Variants in TMEM161B observed in about 807,000 individuals in gnomAD.
TMEM161B encodes the protein transmembrane protein 161B.
Under a neutral mutation model 61.8 loss-of-function variants are expected in TMEM161B, and 34 were observed. The ratio of observed to expected loss-of-function variants is 0.55; its 90% CI spans 0.42 to 0.73. The LOEUF (loss-of-function observed/expected upper bound fraction) is 0.73, where lower values mean the gene tolerates loss of function less well. Among genes scored for constraint, TMEM161B ranks in the 30% least tolerant of loss-of-function variants. TMEM161B has a pLI of 0.00. For synonymous variants in TMEM161B, 167 were observed against 192.8 expected, an observed-to-expected ratio of 0.87 and a Z score of 1.11; for missense variants, 456 against 558.5, an observed-to-expected ratio of 0.82 and a Z score of 1.85.
downstream of TMEM161B, among the ~76,000 whole-genome samples, chr5:88,186,845 G>A (rs1272976669): frequency 6.6e-6 from 1 of 152,068 alleles, no homozygotes; most frequent in Non-Finnish European, 1.5e-5. Flanking sequence ...AGAGGTTGCA[G>A]TGAGCTGAGA....
At chr5:88,210,661 TA>T (rs1398464404) in intron 5 of TMEM161B, among the ~76,000 whole-genome samples, 24 of 152,292 alleles carry the variant, frequency 1.6e-4, no homozygotes, top group African/African-American at 5.8e-4. Flanking sequence ...GAAACATGTG[TA>T]GCAGTTTTGT....
chr5:88,257,301 A>C (rs777851690), intron 1 of TMEM161B, among the ~76,000 whole-genome samples: 7 of 152,062 alleles, frequency 4.6e-5, no homozygotes, highest in Non-Finnish European at 8.8e-5. Flanking sequence ...CAAAACAAAA[A>C]CACCTTTCCT....
rs994269172 is a variant in TMEM161B, at chr5:88,195,062, A to G, written c.*1149T>C. 5.8e-5 allele frequency: 43 copies of G among 741,014 alleles called. No homozygotes were observed. Among genetic ancestry groups the G allele is most frequent in the Non-Finnish European group, 6.8e-5 (41 of 606,852 alleles). 45.9% of individuals were successfully genotyped at this position (741,014 alleles called of 1,614,324 possible). On this transcript the variant is annotated 3_prime_UTR_variant, in exon 12 of 12. Coordinates refer to ENST00000296595, the MANE Select transcript of TMEM161B (RefSeq NM_153354.5). ...CCTATTTAACAAAGGCATACATGATACCTGTAGACCTGATTTGAGAGGGAA... is the reference window on the plus strand; with the variant it reads ...CCTATTTAACAAAGGCATACATGATGCCTGTAGACCTGATTTGAGAGGGAA...
intron 10 of TMEM161B, 151 bp from the exon 11 acceptor site, chr5:88,197,916 G>C (rs1160470950): frequency 1.9e-6 from 1 of 530,354 alleles, no homozygotes; most frequent in African/African-American, 2.0e-5. Context: ...CATGATACAT[G>C]TCCCCAAAAT....
In TMEM161B at chr5:88,247,786, G is replaced by A. The variant is rs1172613500; in HGVS notation, c.4-6870C>T. ...ATCACTCAACTACCCGGTTACTGAT[G>A]TATCTGGCACCCAGACAATTTCCAA... On this transcript the variant is annotated intron_variant, in intron 1 of 11. Coordinates refer to ENST00000296595, the MANE Select transcript of TMEM161B (RefSeq NM_153354.5). Among the ~76,000 whole-genome samples, 5 of 152,162 alleles carry A rather than the reference G, an allele frequency of 3.3e-5. No individual in the cohort carries two copies. In the East Asian group the frequency reaches 9.7e-4, roughly 30 times the overall value.
At chr5:88,239,202 T>C (rs956583595) in intron 2 of TMEM161B, among the ~76,000 whole-genome samples, 1 of 151,976 alleles carries the variant, frequency 6.6e-6, no homozygotes, top group Admixed American at 6.6e-5. Flanking sequence ...TGAGTATAAA[T>C]TTTATAGAAA....
At chr5:88,231,348 T>C (rs1485594535) in intron 2 of TMEM161B, among the ~76,000 whole-genome samples, 1 of 152,140 alleles carries the variant, frequency 6.6e-6, no homozygotes, top group Admixed American at 6.5e-5. Flanking sequence ...GTGGTGACAA[T>C]CTTACGGAGA....
intron 2 of TMEM161B, among the ~76,000 whole-genome samples, chr5:88,232,124 A>G (rs912270244): frequency 3.3e-5 from 5 of 152,204 alleles, no homozygotes; most frequent in East Asian, 1.9e-4. Context: ...AAGATCACCA[A>G]CGAAAAGCAA....
chr5:88,207,156 T>G lies in TMEM161B; in HGVS notation c.471A>C (p.Thr157=), dbSNP rs1347499278. The G allele has an allele frequency of 1.9e-6, 3 of 1,607,422 alleles. No homozygotes were observed. Among genetic ancestry groups the G allele is most frequent in the Non-Finnish European group, 2.5e-6 (3 of 1,178,198 alleles). Residue 157 remains threonine, a synonymous_variant, in exon 6 of 12, where the codon ACA becomes ACC. Coordinates refer to ENST00000296595, the MANE Select transcript of TMEM161B (RefSeq NM_153354.5). ...CACCATCTTCTACTTTAAAATAGTG[T>G]GTAGTTAATGAAAATAGAACTTTGC... ...FAIKVLFSLT[T]HYFKVEDGGE...
downstream of TMEM161B, chr5:88,195,032 C>G: frequency 4.1e-6 from 2 of 489,598 alleles, no homozygotes; most frequent in Non-Finnish European, 5.3e-6. Context: ...AAATTTAAAA[C>G]AAGTCCTATT....
At chr5:88,220,820 C>A in intron 4 of TMEM161B, 101 bp from the exon 5 acceptor site, 2 of 1,341,604 alleles carry the variant, frequency 1.5e-6, no homozygotes, top group South Asian at 3.3e-5. Flanking sequence ...AATTAAAATA[C>A]GCTAGACTTT....
chr5:88,203,126 A>G, intron 8 of TMEM161B, 51 bp from the exon 9 acceptor site: 1 of 1,145,146 alleles, frequency 8.7e-7, no homozygotes, highest in Non-Finnish European at 1.3e-6. Flanking sequence ...GCACGTGCTA[A>G]TAAACTACAG....
chr5:88,223,143 T>TC (rs1749316312), intron 4 of TMEM161B, among the ~76,000 whole-genome samples: 1 of 151,188 alleles, frequency 6.6e-6, no homozygotes, highest in Non-Finnish European at 1.5e-5. Context: ...TTTTTTTTTT[T>TC]AGTTCGTTGA....
At chr5:88,229,030 T>C (rs948961797) in intron 2 of TMEM161B, among the ~76,000 whole-genome samples, 1 of 152,200 alleles carries the variant, frequency 6.6e-6, no homozygotes, top group African/African-American at 2.4e-5. Flanking sequence ...TTACAGAAAA[T>C]CATTGTATTA....
intron 9 of TMEM161B, chr5:88,201,014 C>A (rs1191548899): frequency 6.6e-6 from 1 of 151,702 alleles, no homozygotes; most frequent in Non-Finnish European, 1.5e-5. Flanking sequence ...GATGGGCAGC[C>A]ATTTTTTCAC....
At chr5:88,227,236 G>A (rs1232819340) in intron 3 of TMEM161B, among the ~76,000 whole-genome samples, 1 of 152,150 alleles carries the variant, frequency 6.6e-6, no homozygotes, top group Admixed American at 6.6e-5. Flanking sequence ...ATAAATGGGT[G>A]GAAGGGGAAT....
At chr5:88,268,644 T>C (rs372187646) in intron 1 of TMEM161B, 77 bp downstream of exon 1, 5 of 1,600,890 alleles carry the variant, frequency 3.1e-6, no homozygotes, top group Middle Eastern at 1.6e-4. Context: ...GAGCACCTGA[T>C]GGCTCTTTTC....
chr5:88,222,714 T>C (rs547444852), intron 4 of TMEM161B, among the ~76,000 whole-genome samples: 25 of 152,346 alleles, frequency 1.6e-4, no homozygotes, highest in Non-Finnish European at 4.4e-5. Flanking sequence ...TTATAATAGA[T>C]AATACAAATT....
chr5:88,195,396 G>T lies in TMEM161B; in HGVS notation c.*815C>A. 1.2e-6 allele frequency: 1 copy of T among 841,228 alleles called. No individual in the cohort carries two copies. The highest frequency in any genetic ancestry group is 1.4e-6 in the Non-Finnish European group (1 of 701,182). The allele number at this position is 841,228 out of a possible 1,614,324, so 52.1% of individuals were successfully genotyped here. On this transcript the variant is annotated 3_prime_UTR_variant, in exon 12 of 12. Coordinates refer to ENST00000296595, the MANE Select transcript of TMEM161B (RefSeq NM_153354.5). Reference sequence around the variant, plus strand: ...TATAATATATATACAATACATACAGGTAGTCAGCAGGTTTACAAAGTAATT... The same window carrying T: ...TATAATATATATACAATACATACAGTTAGTCAGCAGGTTTACAAAGTAATT...
Sources: allele counts gnomAD v4.1 joint callset (sites outside exome capture counted in the v4.1 genomes callset), GRCh38; gene constraint gnomAD v4.1.1; transcripts MANE v1.5; gene names NCBI Gene and HGNC (gene_info 2026-07-23, HGNC 2026-07-21).